The following NIN variants were observed in gnomAD, a reference collection of about 807,000 sequenced individuals.
NIN encodes the protein glycogen synthase kinase 3 beta-interacting protein.
In NIN, 137 loss-of-function variants were observed where a neutral mutation model predicts 257.6. That is an observed-to-expected ratio of 0.53 (90% CI 0.46 to 0.61). The LOEUF (loss-of-function observed/expected upper bound fraction) is 0.61. Among genes scored for constraint, NIN ranks in the 20% least tolerant of loss-of-function variants. NIN has a pLI of 0.00. For missense variants in NIN, 2,439 were observed against 2,501.2 expected, an observed-to-expected ratio of 0.98 and a Z score of 0.53; for synonymous variants, 918 against 919.8, an observed-to-expected ratio of 1.00 and a Z score of 0.04.
intron 5 of NIN, among the ~76,000 whole-genome samples, chr14:50,783,077 T>A (rs1251948326): frequency 1.3e-5 from 2 of 152,108 alleles, no homozygotes; most frequent in Admixed American, 1.3e-4. Flanking sequence ...AGAAGGATAG[T>A]TTAAACATGG....
chr14:50,770,758 G>C, intron 11 of NIN, 94 bp downstream of exon 11: 2 of 1,453,704 alleles, frequency 1.4e-6, no homozygotes, highest in Admixed American at 4.6e-5. Context: ...GACCAGAAGA[G>C]TCCCCAGTGC....
Position 50,758,318 on chromosome 14 carries a change from A to G in NIN, c.2712T>C (p.His904=). Residue 904 remains histidine, a synonymous_variant, in exon 18 of 31, where the codon CAT becomes CAC. Transcript: ENST00000530997. ...REMLEKTYKE[H]LNSMVVERQQ... is the part of the protein sequence containing the mutation. ...GTCTCTCGACGACCATGCTGTTCAA[A>G]TGTTCTTTGTATGTTTTCTCCAGCA... 6.2e-7 allele frequency: 1 copy of G among 1,614,140 alleles called. No individual in the cohort carries two copies. The highest frequency in any genetic ancestry group is 8.5e-7 in the Non-Finnish European group (1 of 1,180,012).
chr14:50,760,059 G>A lies in NIN; in HGVS notation c.2197C>T (p.Gln733Ter). ...TCCCGCTCAAAGCTTGCTTGAGCCT[G>A]TGTCAGTCTAGCCTTGAGCTCCATC... The part of the protein sequence containing the change: ...HEMELKARLT[Q>*]AQASFERERE... The change falls in exon 17 of 31, where the codon CAG becomes TAG. Residue 733 changes from glutamine (Q) to a stop codon, truncating the protein, a stop_gained. Transcript: ENST00000530997. LOFTEE classifies it high-confidence loss of function. The A allele has an allele frequency of 1.9e-6, 3 of 1,614,170 alleles. No individual in the cohort carries two copies. Among genetic ancestry groups the A allele is most frequent in the East Asian group, 2.2e-5 (1 of 44,894 alleles).
chr14:50,767,329 T>C (rs1051707217), intron 12 of NIN, among the ~76,000 whole-genome samples: 1 of 152,262 alleles, frequency 6.6e-6, no homozygotes, highest in African/African-American at 2.4e-5. Flanking sequence ...GTTTCACCTG[T>C]TTCTTTTCAC....
At chr14:50,806,609 G>C (rs1219549911) in intron 4 of NIN, 128 bp downstream of exon 4, 1 of 538,686 alleles carries the variant, frequency 1.9e-6, no homozygotes, top group Non-Finnish European at 3.3e-6. Context: ...AGAAGTCACC[G>C]AAAATAACTG....
intron 28 of NIN, among the ~76,000 whole-genome samples, chr14:50,731,361 C>G (rs2040687312): frequency 6.6e-6 from 1 of 151,844 alleles, no homozygotes; most frequent in Non-Finnish European, 1.5e-5. Context: ...GAAACCCCGT[C>G]TCTACTAAAA....
chr14:50,744,145 G>GACT, intron 23 of NIN, 98 bp downstream of exon 23: 1 of 1,334,442 alleles, frequency 7.5e-7, no homozygotes, highest in Non-Finnish European at 1.0e-6. Flanking sequence ...TGGAACAACA[G>GACT]ACTACCACAG....
At chr14:50,726,990 C>T (rs11847756) in intron 29 of NIN, among the ~76,000 whole-genome samples, 3,391 of 151,912 alleles carry the variant, frequency 0.022, 127 homozygotes, top group African/African-American at 0.078. Flanking sequence ...AGTAACTATC[C>T]GGAGGATAAA....
rs138822539 is a variant in NIN, at chr14:50,821,151, A to G, written c.183+723T>C. Among the ~76,000 whole-genome samples the G allele has an allele frequency of 4.6e-5, 7 of 152,366 alleles. No homozygotes were observed. In the East Asian group the frequency reaches 1.3e-3, roughly 29 times the overall value. On this transcript the variant is annotated intron_variant, in intron 3 of 30. Transcript: ENST00000530997. ...TTATAAATAGCTATTAATTATAAAT[A>G]AGGCAAATAATAAAAGCTATTAATT...
rs200510258 is a variant in NIN at position 50,770,319 on chromosome 14, C to T, written c.1434+69G>A. 86 of 1,494,738 alleles carry T rather than the reference C, an allele frequency of 5.8e-5. No individual in the cohort carries two copies. In the East Asian group the frequency reaches 1.9e-3, roughly 33 times the overall value. 92.6% of individuals were successfully genotyped at this position (1,494,738 alleles called of 1,614,324 possible). On this transcript the variant is annotated intron_variant, in intron 12 of 30. Transcript: ENST00000530997. ...GAACCCTGTGCAAACATGCCCACTT[C>T]CAAAGCTGTAGTTTTCCACGTGGTG...
intron 6 of NIN, 76 bp downstream of exon 6, chr14:50,778,689 G>A: frequency 2.4e-6 from 3 of 1,273,892 alleles, no homozygotes; most frequent in Non-Finnish European, 2.3e-6. Context: ...CAGCATAAGA[G>A]ATCAGAAAGA....
At chr14:50,729,101 A>G (rs776686183) in intron 29 of NIN, among the ~76,000 whole-genome samples, 3 of 152,212 alleles carry the variant, frequency 2.0e-5, no homozygotes, top group Non-Finnish European at 4.4e-5. Context: ...TGATCCTGAT[A>G]CTTCATCGTT....
At chr14:50,737,652 T>TGG (rs1266982432) in intron 27 of NIN, among the ~76,000 whole-genome samples, 4 of 150,008 alleles carry the variant, frequency 2.7e-5, no homozygotes, top group African/African-American at 9.8e-5. Flanking sequence ...TGTTGTTTTT[T>TGG]TTTTTTTTTT....
intron 29 of NIN, chr14:50,727,353 C>T: frequency 2.0e-6 from 2 of 990,368 alleles, no homozygotes; most frequent in Non-Finnish European, 1.2e-6. Context: ...AAAAGTAGTA[C>T]CTTTGGTTAA....
At chr14:50,768,907 G>C (rs549532855) in intron 12 of NIN, among the ~76,000 whole-genome samples, 69 of 152,172 alleles carry the variant, frequency 4.5e-4, no homozygotes, top group Non-Finnish European at 8.7e-4. Flanking sequence ...ATAAATCTGA[G>C]AGTCACTTTG....
Position 50,763,516 on chromosome 14 carries a change from C to T in NIN, c.1774+310G>A, listed in dbSNP as rs2042353134. On this transcript the variant is annotated intron_variant, in intron 15 of 30. Transcript: ENST00000530997. Reference sequence around the variant, plus strand: ...CTCAGTGTCTGAATTCTAACACTCCCAAGGCCTGGATTCCCAGATTTGCAG... The same window carrying T: ...CTCAGTGTCTGAATTCTAACACTCCTAAGGCCTGGATTCCCAGATTTGCAG... 3.3e-5 allele frequency among the ~76,000 whole-genome samples: 5 copies of T among 152,212 alleles called. No homozygotes were observed. The South Asian group carries it at 1.0e-3, about 31-fold the overall frequency.
intron 4 of NIN, among the ~76,000 whole-genome samples, chr14:50,796,676 G>A (rs1398722714): frequency 6.6e-6 from 1 of 152,144 alleles, no homozygotes; most frequent in Non-Finnish European, 1.5e-5. Context: ...ATGGTGTCAG[G>A]GAGAATGACC....
intron 28 of NIN, among the ~76,000 whole-genome samples, chr14:50,731,182 C>T (rs1566778278): frequency 1.3e-5 from 2 of 152,130 alleles, no homozygotes; most frequent in Admixed American, 1.3e-4. Flanking sequence ...TCTACAAGTG[C>T]ATCTTCACTT....
intron 7 of NIN, among the ~76,000 whole-genome samples, chr14:50,776,440 TA>T (rs750770684): frequency 6.6e-6 from 1 of 152,222 alleles, no homozygotes; most frequent in Non-Finnish European, 1.5e-5. Flanking sequence ...TGCTAATATG[TA>T]AAAGCAGTTT....
Sources: allele counts gnomAD v4.1 joint callset (sites outside exome capture counted in the v4.1 genomes callset), GRCh38; gene constraint gnomAD v4.1.1; transcripts MANE v1.5; gene names NCBI Gene and HGNC (gene_info 2026-07-23, HGNC 2026-07-21).